PTPN7: variants seen among roughly 807,000 people sequenced by gnomAD.
PTPN7 encodes the protein protein tyrosine phosphatase non-receptor type 7.
In PTPN7, 33 loss-of-function variants were observed where a neutral mutation model predicts 50.3. The ratio of observed to expected loss-of-function variants is 0.66; its 90% CI spans 0.50 to 0.88. The LOEUF (loss-of-function observed/expected upper bound fraction) is 0.88, where lower values mean the gene tolerates loss of function less well. PTPN7 is among the 40% of genes least tolerant of loss of function. The pLI is 0.00. For missense variants in PTPN7, 412 were observed against 475.4 expected (o/e 0.87, Z 1.24); for synonymous variants, 185 against 186.6 (o/e 0.99, Z 0.07).
In PTPN7 at chr1:202,150,355, T is replaced by C. The variant is rs1184854158; in HGVS notation, c.945A>G (p.Gly315=). ...ACACAATACCCAGAATGTCCACTTC[T>C]CCTCGGGCTTTCAGCTGTTGACAGC... ...RIGCQQLKAR[G]EVDILGIVCQ... Residue 315 remains glycine (G), a synonymous_variant, in exon 9 of 10, where the codon GGA becomes GGG. Coordinates refer to ENST00000691036, the MANE Select transcript of PTPN7 (RefSeq NM_002832.4). The C allele has an allele frequency of 3.7e-6, 6 of 1,613,078 alleles. No homozygotes were observed. Among genetic ancestry groups the C allele is most frequent in the Middle Eastern group, 1.7e-4 (1 of 6,060 alleles).
chr1:202,161,464 G>C (rs1292557918), upstream of PTPN7: 6 of 1,289,826 alleles, frequency 4.7e-6, no homozygotes, highest in South Asian at 7.4e-5. Flanking sequence ...GGATGCCTGG[G>C]ACCTGAAGGG....
At chr1:202,158,336 C>T (rs1191649093) in intron 2 of PTPN7, 35 bp from the exon 3 acceptor site, 1 of 1,599,018 alleles carries the variant, frequency 6.3e-7, no homozygotes. Context: ...TAGTGAGCAC[C>T]CAATCATATT....
chr1:202,150,620 C>A (rs978024837), intron 8 of PTPN7, among the ~76,000 whole-genome samples, 196 bp from the exon 9 acceptor site: 1 of 152,208 alleles, frequency 6.6e-6, no homozygotes, highest in Non-Finnish European at 1.5e-5. Context: ...TTTTAATTGG[C>A]ATGGGAGGAG....
rs772967044 is a variant in PTPN7 at position 202,160,341 on chromosome 1, C to T, written c.-53+204G>A. On this transcript the variant is annotated intron_variant, in intron 1 of 9. Transcript: ENST00000691036. This position sits in a 1 kb window ranked among gnomAD's most constrained non-coding sequence, Gnocchi z 4.8. Reference sequence around the variant, plus strand: ...CTGGTAGCAGAAAAGGTCCCTTCAGCCTCTGCTCTCCTTGTAGCTCCCTGT... The same window carrying T: ...CTGGTAGCAGAAAAGGTCCCTTCAGTCTCTGCTCTCCTTGTAGCTCCCTGT... 7.9e-5 allele frequency among the ~76,000 whole-genome samples: 12 copies of T among 152,082 alleles called. No individual in the cohort carries two copies. Among genetic ancestry groups the T allele is most frequent in the Non-Finnish European group, 1.5e-4 (10 of 67,998 alleles).
intron 8 of PTPN7, among the ~76,000 whole-genome samples, 169 bp from the exon 9 acceptor site, chr1:202,150,593 G>A (rs1444443301): frequency 6.6e-6 from 1 of 152,202 alleles, no homozygotes; most frequent in Non-Finnish European, 1.5e-5. Flanking sequence ...CCCCTTGGGG[G>A]CCCTGCTGGA....
intron 9 of PTPN7, chr1:202,150,043 G>A (rs1655786699): frequency 3.1e-6 from 1 of 321,644 alleles, no homozygotes; most frequent in Admixed American, 3.7e-5. Context: ...ATGTTGGCCA[G>A]GCTGGTCTCG....
rs376594248 is a variant in PTPN7, at chr1:202,155,823, G to A, written c.392-214C>T. ...TGCCTAGGCTGGAGTGCAGTGGTGC[G>A]ATCATAGCTCACTGTAACCTCTAAC... is the stretch of plus-strand genomic sequence containing the variant. On this transcript the variant is annotated intron_variant, in intron 4 of 9. Transcript: ENST00000691036. Among the ~76,000 whole-genome samples the A allele has an allele frequency of 5.9e-4, 90 of 152,288 alleles. 1 individual carries two copies. Among genetic ancestry groups the A allele is most frequent in the Middle Eastern group, 3.4e-3 (1 of 294 alleles).
At chr1:202,148,847 C>CATTTTTTT (rs35165620) in intron 9 of PTPN7, 148 bp from the exon 10 acceptor site, 11 of 131,012 alleles carry the variant, frequency 8.4e-5, no homozygotes, top group African/African-American at 4.5e-4. Flanking sequence ...CATCTTTTCA[C>CATTTTTTT]TTTTTTTTTT....
upstream of PTPN7, chr1:202,160,802 G>A (rs72746636): frequency 0.017 from 25,984 of 1,542,230 alleles, 328 homozygotes; most frequent in South Asian, 0.046. This position sits in a 1 kb window ranked among gnomAD's most constrained non-coding sequence, Gnocchi z 4.8. Flanking sequence ...AGGCCTTCCC[G>A]ACCATCCTGC....
Position 202,153,760 on chromosome 1 carries a change from A to G in PTPN7, c.682T>C (p.Cys228Arg), listed in dbSNP as rs1343504526. 1.9e-6 allele frequency: 3 copies of G among 1,613,522 alleles called. No homozygotes were observed. The highest frequency in any genetic ancestry group is 2.5e-6 in the Non-Finnish European group (3 of 1,179,910). ...AGCTGCCGCACAGTGTATTCTGGGC[A>G]CTCTTTCATGTCCTGGATGCGGATC... is the stretch of plus-strand genomic sequence containing the variant. ...FQIRIQDMKECPEYTVRQLTI... is the reference protein window; with the variant it reads ...FQIRIQDMKERPEYTVRQLTI... The change falls in exon 7 of 10, where the codon TGC becomes CGC. Residue 228 changes from cysteine (C) to arginine (R), a missense_variant. Coordinates refer to ENST00000691036, the MANE Select transcript of PTPN7 (RefSeq NM_002832.4).
At position 202,153,855 on chromosome 1, in the gene PTPN7, G is replaced by C. The variant is rs373873433; in HGVS notation, c.607-20C>G. 6.9e-6 allele frequency: 11 copies of C among 1,589,598 alleles called. No individual in the cohort carries two copies. The East Asian group carries it at 2.5e-4, about 36-fold the overall frequency. ...ACATTTCTAGGAGGGAGGGAGCTGG[G>C]AGTCAGAAGAGGGTCAGCTGGAGCA... On this transcript the variant is annotated intron_variant, in intron 6 of 9. Coordinates refer to ENST00000691036, the MANE Select transcript of PTPN7 (RefSeq NM_002832.4).
chr1:202,153,613 A>T, intron 7 of PTPN7, 112 bp downstream of exon 7: 1 of 825,646 alleles, frequency 1.2e-6, no homozygotes, highest in South Asian at 1.6e-5. Flanking sequence ...ATGTGGGTTT[A>T]AGATGGTTTA....
At chr1:202,156,129 G>A (rs746349074) in intron 4 of PTPN7, among the ~76,000 whole-genome samples, 12 of 152,134 alleles carry the variant, frequency 7.9e-5, no homozygotes, top group Non-Finnish European at 1.5e-4. Context: ...TTTTTGAGCA[G>A]GAGAGTGACA....
chr1:202,154,964 C>T (rs1402692825), intron 5 of PTPN7, among the ~76,000 whole-genome samples: 1 of 152,168 alleles, frequency 6.6e-6, no homozygotes, highest in African/African-American at 2.4e-5. Flanking sequence ...AAGAGCTTTT[C>T]GCCTCCCTGC....
At position 202,159,230 on chromosome 1, in the gene PTPN7, C is replaced by A. The variant is rs373667862; in HGVS notation, c.122+51G>T. ...GGGGCAGATGGAAGGAAGGGAGGAG[C>A]GGAATGGGGGCTCAGGGCTCGGAAG... On this transcript the variant is annotated intron_variant, in intron 2 of 9. Transcript: ENST00000691036. The surrounding 1 kb of genome is among the most constrained non-coding windows in gnomAD (Gnocchi z 4.6). 3 of 1,560,530 alleles carry A rather than the reference C, an allele frequency of 1.9e-6. 1 individual carries two copies. The South Asian group carries it at 3.4e-5, about 18-fold the overall frequency.
rs576466850 is a variant in PTPN7 at position 202,148,287 on chromosome 1, C to A, written c.*319G>T. 4.9e-4 allele frequency: 126 copies of A among 259,546 alleles called. 4 individuals are homozygous for A. The South Asian group carries it at 0.012, about 24-fold the overall frequency. 16.1% of individuals were successfully genotyped at this position (259,546 alleles called of 1,614,324 possible). A position where few individuals can be genotyped will look rare whatever the true frequency, so the allele number is the denominator to read the frequency against. On this transcript the variant is annotated 3_prime_UTR_variant, in exon 10 of 10. Coordinates refer to ENST00000691036, the MANE Select transcript of PTPN7 (RefSeq NM_002832.4). ...CTCACAAAGAGTGTCTCAGAGAACA[C>A]CAGGACACCTGGGCTTCTTTCTTTG... is the stretch of plus-strand genomic sequence containing the variant.
At position 202,159,348 on chromosome 1, in the gene PTPN7, C is replaced by G. The variant is rs780744609; in HGVS notation, c.55G>C (p.Gly19Arg). The stretch of plus-strand genomic sequence containing the variant: ...GGCGGAGGCTGGGTCATGGCTGCCC[C>G]CAAAGACAAGGTCAACGGCTGTGCT... Reference protein sequence around the residue: ...SRAQPLTLSLGAAMTQPPPEK... With the variant: ...SRAQPLTLSLRAAMTQPPPEK... Residue 19 changes from glycine to arginine, a missense_variant, in exon 2 of 10, where the codon GGG becomes CGG. Coordinates refer to ENST00000691036, the MANE Select transcript of PTPN7 (RefSeq NM_002832.4). This position sits in a 1 kb window ranked among gnomAD's most constrained non-coding sequence, Gnocchi z 4.6. The G allele has an allele frequency of 3.7e-6, 6 of 1,614,054 alleles. No individual in the cohort carries two copies. In the African/African-American group the frequency reaches 8.0e-5, roughly 22 times the overall value.
chr1:202,153,508 G>GGTGA (rs1656279557), intron 7 of PTPN7, among the ~76,000 whole-genome samples: 1 of 152,206 alleles, frequency 6.6e-6, no homozygotes, highest in South Asian at 2.1e-4. Context: ...TACACAGATG[G>GGTGA]GTGAGTACTT....
chr1:202,147,998 G>A lies in PTPN7; in HGVS notation c.*608C>T, dbSNP rs1302533848. 1.3e-5 allele frequency: 2 copies of A among 152,266 alleles called. No individual in the cohort carries two copies. Among genetic ancestry groups the A allele is most frequent in the Non-Finnish European group, 2.9e-5 (2 of 68,116 alleles). The allele number at this position is 152,266 out of a possible 1,614,324, so 9.4% of individuals were successfully genotyped here. Reference sequence around the variant, plus strand: ...AGAGTCCTTGTTCTTTCTTTTGATTGGGGTCATCCAGCCCTTCCGATGTGT... The same window carrying A: ...AGAGTCCTTGTTCTTTCTTTTGATTAGGGTCATCCAGCCCTTCCGATGTGT... On this transcript the variant is annotated 3_prime_UTR_variant, in exon 10 of 10. Transcript: ENST00000691036.
Sources: gnomAD v4.1 joint callset for allele counts (sites outside exome capture counted in the v4.1 genomes callset) on GRCh38, gnomAD v4.1.1 for gene constraint, Gnocchi (gnomAD v3.1) non-coding constraint, MANE v1.5 for transcripts, NCBI Gene and HGNC (gene_info 2026-07-23, HGNC 2026-07-21) for gene names.